The following PTPN14 variants were observed in gnomAD, a reference collection of about 807,000 sequenced individuals.
PTPN14 encodes tyrosine-protein phosphatase non-receptor type 14.
In PTPN14, 53 loss-of-function variants were observed where a neutral mutation model predicts 126.8. The ratio of observed to expected loss-of-function variants is 0.42; its 90% confidence interval spans 0.34 to 0.53. The LOEUF (loss-of-function observed/expected upper bound fraction) is 0.53, where lower values mean the gene tolerates loss of function less well. Among genes scored for constraint, PTPN14 ranks in the 20% least tolerant of loss-of-function variants. PTPN14 has a pLI of 0.08. For synonymous variants in PTPN14, 630 were observed against 599.3 expected (o/e 1.05, Z -0.75); for missense variants, 1,257 against 1,552.9 (o/e 0.81, Z 3.20).
At chr1:214,390,411 G>A (rs1243973853) in intron 11 of PTPN14, among the ~76,000 whole-genome samples, 1 of 152,176 alleles carries the variant, frequency 6.6e-6, no homozygotes, top group East Asian at 1.9e-4. Context: ...GCTAAAGCTA[G>A]GTCAATTCAA....
chr1:214,541,506 C>T (rs1322955371), intron 1 of PTPN14, among the ~76,000 whole-genome samples: 1 of 152,120 alleles, frequency 6.6e-6, no homozygotes, highest in Admixed American at 6.5e-5. Context: ...GTTTCTTGAT[C>T]TTGTCCAAAT....
chr1:214,421,688 AT>A (rs938641030), intron 3 of PTPN14, among the ~76,000 whole-genome samples: 14 of 151,410 alleles, frequency 9.2e-5, no homozygotes, highest in East Asian at 3.9e-4. Flanking sequence ...AGTCAAAACT[AT>A]TTTTTTTTCC....
At chr1:214,409,323 G>A (rs2102577011) in intron 5 of PTPN14, among the ~76,000 whole-genome samples, 1 of 152,256 alleles carries the variant, frequency 6.6e-6, no homozygotes, top group East Asian at 1.9e-4. Context: ...GTGAGATTGG[G>A]CAGTATTTGT....
intron 5 of PTPN14, among the ~76,000 whole-genome samples, chr1:214,406,063 C>T (rs934341032): frequency 1.3e-5 from 2 of 152,158 alleles, no homozygotes; most frequent in African/African-American, 2.4e-5. Context: ...ATTCACAACT[C>T]GGATAAGGCT....
At chr1:214,427,979 C>T (rs1335288556) in intron 3 of PTPN14, among the ~76,000 whole-genome samples, 1 of 152,128 alleles carries the variant, frequency 6.6e-6, no homozygotes, top group Non-Finnish European at 1.5e-5. Context: ...GGAAGTGGTA[C>T]AAACCACAAA....
At chr1:214,405,404 C>T (rs1659141659) in intron 5 of PTPN14, among the ~76,000 whole-genome samples, 1 of 152,126 alleles carries the variant, frequency 6.6e-6, no homozygotes, top group Non-Finnish European at 1.5e-5. Context: ...CTTCATATCA[C>T]TTAAGGGGCC....
At chr1:214,379,835 C>T (rs1325146124) in intron 13 of PTPN14, among the ~76,000 whole-genome samples, 1 of 152,252 alleles carries the variant, frequency 6.6e-6, no homozygotes, top group African/African-American at 2.4e-5. Context: ...TGTCTCATGT[C>T]TCCCTAAAAT....
intron 1 of PTPN14, among the ~76,000 whole-genome samples, chr1:214,488,307 C>A (rs1208800230): frequency 6.6e-6 from 1 of 152,162 alleles, no homozygotes; most frequent in African/African-American, 2.4e-5. Context: ...TTATCACGTA[C>A]CTTGTAGGGG....
At chr1:214,387,606 C>T (rs1167084225) in intron 11 of PTPN14, among the ~76,000 whole-genome samples, 1 of 146,958 alleles carries the variant, frequency 6.8e-6, no homozygotes, top group Non-Finnish European at 1.5e-5. Context: ...TGAACCTGGG[C>T]GGCGGAGGTT....
At chr1:214,495,885 G>A (rs1045366410) in intron 1 of PTPN14, among the ~76,000 whole-genome samples, 3 of 151,958 alleles carry the variant, frequency 2.0e-5, no homozygotes, top group Non-Finnish European at 4.4e-5. Flanking sequence ...GTAGAGACAG[G>A]GTTTCACCAT....
chr1:214,519,769 G>A (rs1212085651), intron 1 of PTPN14, among the ~76,000 whole-genome samples: 4 of 151,974 alleles, frequency 2.6e-5, no homozygotes, highest in Non-Finnish European at 5.9e-5. Flanking sequence ...AAGCAAGCAG[G>A]CTGGGTGTCG....
rs537550680 is a variant in PTPN14 at position 214,475,491 on chromosome 1, C to G, written c.-154-10534G>C. Among the ~76,000 whole-genome samples the G allele has an allele frequency of 5.0e-3, 764 of 152,322 alleles. 2 individuals carry two copies. Among genetic ancestry groups the G allele is most frequent in the Non-Finnish European group, 9.4e-3 (639 of 68,020 alleles). ...TGACTCTGGTTTACTCTCAAATGAG[C>G]TTTGTCTAGTCACGCCAGGAATGCT... On this transcript the variant is annotated intron_variant, in intron 1 of 18. Transcript: ENST00000366956.
chr1:214,543,462 A>G (rs1490977412), intron 1 of PTPN14, among the ~76,000 whole-genome samples: 1 of 152,230 alleles, frequency 6.6e-6, no homozygotes, highest in African/African-American at 2.4e-5. Flanking sequence ...TATGTATAAT[A>G]CATACTGATA....
intron 10 of PTPN14, among the ~76,000 whole-genome samples, chr1:214,392,141 A>G (rs987674772): frequency 6.6e-6 from 1 of 152,146 alleles, no homozygotes; most frequent in Non-Finnish European, 1.5e-5. Flanking sequence ...CCAGGCCATA[A>G]CATCGTGCTG....
chr1:214,392,011 A>C (rs1037750399), intron 10 of PTPN14, among the ~76,000 whole-genome samples: 4 of 152,186 alleles, frequency 2.6e-5, no homozygotes, highest in Non-Finnish European at 5.9e-5. Flanking sequence ...GAGCAGAAAA[A>C]TCAATAACGA....
intron 3 of PTPN14, among the ~76,000 whole-genome samples, chr1:214,445,072 G>C (rs1236378852): frequency 6.6e-6 from 1 of 152,166 alleles, no homozygotes; most frequent in Non-Finnish European, 1.5e-5. Flanking sequence ...AGCCCATACA[G>C]AGATTAAGTA....
At chr1:214,498,350 A>T (rs1164537040) in intron 1 of PTPN14, among the ~76,000 whole-genome samples, 1 of 152,224 alleles carries the variant, frequency 6.6e-6, no homozygotes, top group Admixed American at 6.5e-5. Flanking sequence ...CCAGGTCAAT[A>T]AGAGCTGGAA....
chr1:214,412,968 C>G (rs1250269958), intron 4 of PTPN14, among the ~76,000 whole-genome samples: 1 of 152,232 alleles, frequency 6.6e-6, no homozygotes, highest in Non-Finnish European at 1.5e-5. Flanking sequence ...CTCCTGGACT[C>G]AGGCGATCCT....
chr1:214,468,177 A>T (rs1198053814), intron 1 of PTPN14, among the ~76,000 whole-genome samples: 1 of 152,232 alleles, frequency 6.6e-6, no homozygotes, highest in Non-Finnish European at 1.5e-5. Flanking sequence ...AATAGATGGA[A>T]TTGTGTTAAG....
Sources: allele counts gnomAD v4.1 joint callset (sites outside exome capture counted in the v4.1 genomes callset), GRCh38; gene constraint gnomAD v4.1.1; transcripts MANE v1.5; gene names NCBI Gene and HGNC (gene_info 2026-07-23, HGNC 2026-07-21).